The following STARD13 variants were observed in gnomAD, a reference collection of about 807,000 sequenced individuals.
The protein encoded by STARD13 is stAR-related lipid transfer protein 13.
STARD13 carries 62 observed loss-of-function variants against 106.4 expected under a neutral mutation model. The ratio of observed to expected loss-of-function variants is 0.58; its 90% CI spans 0.48 to 0.72. The LOEUF is 0.72. Among genes scored for constraint, STARD13 ranks in the 30% least tolerant of loss-of-function variants. The pLI is 0.00. For missense variants in STARD13, 1,387 were observed against 1,424.0 expected (o/e 0.97, Z 0.42); for synonymous variants, 565 against 553.0 (o/e 1.02, Z -0.31).
chr13:33,512,558 C>T, the STARD13 span, among the ~76,000 whole-genome samples: 1 of 152,036 alleles, frequency 6.6e-6, no homozygotes, highest in Non-Finnish European at 1.5e-5. Context: ...AACTCCACCT[C>T]TAGAGTTCAA....
At chr13:33,381,803 G>A in the STARD13 span, among the ~76,000 whole-genome samples, 7 of 152,134 alleles carry the variant, frequency 4.6e-5, no homozygotes, top group Non-Finnish European at 8.8e-5. Flanking sequence ...TATATATTAA[G>A]GATCTGCTTC....
chr13:33,276,969 T>C (rs1891472255), intron 1 of STARD13, among the ~76,000 whole-genome samples: 1 of 151,914 alleles, frequency 6.6e-6, no homozygotes, highest in South Asian at 2.1e-4. Flanking sequence ...TTTCTTTTGC[T>C]AACAGCATTA....
intron 4 of STARD13, among the ~76,000 whole-genome samples, chr13:33,131,836 T>A (rs560209148): frequency 6.6e-6 from 1 of 152,324 alleles, no homozygotes; most frequent in East Asian, 1.9e-4. Context: ...CTGCCACTTA[T>A]AAGATTGAAG....
the STARD13 span, among the ~76,000 whole-genome samples, chr13:33,643,720 G>A: frequency 4.6e-5 from 7 of 152,340 alleles, no homozygotes; most frequent in East Asian, 1.9e-4. Context: ...TCCCCCCAGC[G>A]CCTCTCTCAC....
intron 1 of STARD13, among the ~76,000 whole-genome samples, chr13:33,309,413 G>T (rs1893048150): frequency 6.6e-6 from 1 of 152,184 alleles, no homozygotes; most frequent in Non-Finnish European, 1.5e-5. Flanking sequence ...TTGTGGGTCA[G>T]CTCTTAGCTC....
the STARD13 span, among the ~76,000 whole-genome samples, chr13:33,609,439 T>C: frequency 6.6e-6 from 1 of 152,184 alleles, no homozygotes; most frequent in Non-Finnish European, 1.5e-5. Flanking sequence ...CACTAAGTTT[T>C]GGTGAAAATC....
intron 3 of STARD13, among the ~76,000 whole-genome samples, chr13:33,147,124 T>C (rs912606502): frequency 6.6e-6 from 1 of 152,242 alleles, no homozygotes; most frequent in African/African-American, 2.4e-5. Flanking sequence ...CAGTAGTAAT[T>C]AGTCAACATG....
At chr13:33,322,928 T>G (rs571098434) in intron 1 of STARD13, among the ~76,000 whole-genome samples, 7 of 152,370 alleles carry the variant, frequency 4.6e-5, no homozygotes, top group African/African-American at 1.7e-4. Flanking sequence ...TAGTATAATT[T>G]TCTTGGGAGA....
chr13:33,548,186 T>TA, the STARD13 span, among the ~76,000 whole-genome samples: 1 of 152,292 alleles, frequency 6.6e-6, no homozygotes, highest in South Asian at 2.1e-4. Context: ...GGCAGTGATA[T>TA]ACCATAGAAA....
At chr13:33,479,752 C>T in the STARD13 span, among the ~76,000 whole-genome samples, 1 of 152,110 alleles carries the variant, frequency 6.6e-6, no homozygotes, top group Non-Finnish European at 1.5e-5. Context: ...GCACCATTCT[C>T]TTGGCGCTGT....
chr13:33,124,523 G>A (rs561367019), intron 7 of STARD13, among the ~76,000 whole-genome samples: 1 of 152,332 alleles, frequency 6.6e-6, no homozygotes, highest in African/African-American at 2.4e-5. Context: ...GATGGACACA[G>A]GGGTGGAAGA....
chr13:33,582,170 C>T, the STARD13 span, among the ~76,000 whole-genome samples: 3 of 149,876 alleles, frequency 2.0e-5, no homozygotes, highest in African/African-American at 7.5e-5. Flanking sequence ...TGCAGTGAGC[C>T]GAGATCACGT....
chr13:33,374,493 AAGG>A, the STARD13 span, among the ~76,000 whole-genome samples: 1 of 152,224 alleles, frequency 6.6e-6, no homozygotes, highest in Admixed American at 6.5e-5. Flanking sequence ...CTAACAATGT[AAGG>A]AGGAGATGAG....
chr13:33,233,784 C>T (rs1402374697), intron 1 of STARD13, among the ~76,000 whole-genome samples: 12 of 152,178 alleles, frequency 7.9e-5, no homozygotes, highest in Non-Finnish European at 1.6e-4. Flanking sequence ...TTGCAGTCAT[C>T]CTTACCTGGG....
At chr13:33,396,280 G>A in the STARD13 span, among the ~76,000 whole-genome samples, 134 of 152,342 alleles carry the variant, frequency 8.8e-4, no homozygotes, top group African/African-American at 3.2e-3. Context: ...ATAGGCATGA[G>A]CCACGGTGTC....
At chr13:33,425,779 G>T in the STARD13 span, among the ~76,000 whole-genome samples, 4 of 152,204 alleles carry the variant, frequency 2.6e-5, no homozygotes, top group Non-Finnish European at 5.9e-5. Context: ...CCATGTAAAT[G>T]GTGGGAAGAC....
the STARD13 span, among the ~76,000 whole-genome samples, chr13:33,666,057 G>A: frequency 2.0e-5 from 3 of 152,198 alleles, no homozygotes; most frequent in Admixed American, 6.5e-5. Flanking sequence ...ACTAGGCCAT[G>A]TGGTAATGTC....
the STARD13 span, among the ~76,000 whole-genome samples, chr13:33,401,655 C>T: frequency 6.6e-6 from 1 of 152,198 alleles, no homozygotes; most frequent in African/African-American, 2.4e-5. Flanking sequence ...GGCTGGATGG[C>T]TCTCCCATCT....
intron 1 of STARD13, among the ~76,000 whole-genome samples, chr13:33,171,716 G>A (rs1015546200): frequency 6.6e-6 from 1 of 152,236 alleles, no homozygotes; most frequent in Non-Finnish European, 1.5e-5. Context: ...GAGATATCCA[G>A]TGTTTCCACT....
Sources: gnomAD v4.1 joint callset for allele counts (sites outside exome capture counted in the v4.1 genomes callset) on GRCh38, gnomAD v4.1.1 for gene constraint, MANE v1.5 for transcripts, NCBI Gene and HGNC (gene_info 2026-07-23, HGNC 2026-07-21) for gene names.